The following THADA variants were observed in gnomAD, a reference collection of about 807,000 sequenced individuals.
THADA encodes THADA armadillo repeat containing.
Under a neutral mutation model 219.8 loss-of-function variants are expected in THADA, and 213 were observed. That is an observed-to-expected ratio of 0.97 (90% CI 0.87 to 1.09). The LOEUF is 1.09. Ranked by LOEUF, THADA falls within the 50% of genes least tolerant of loss-of-function variation. The pLI is 0.00. For missense variants in THADA, 2,956 were observed against 2,311.3 expected (o/e 1.28, Z -5.72); for synonymous variants, 1,018 against 828.9 (o/e 1.23, Z -3.92).
chr2:43,387,642 C>T (rs1277798847), intron 29 of THADA, among the ~76,000 whole-genome samples: 1 of 152,080 alleles, frequency 6.6e-6, no homozygotes, highest in Admixed American at 6.5e-5. Flanking sequence ...CAACTAGGGG[C>T]AATTTTGCCC....
Position 43,413,798 on chromosome 2 carries a change from T to A in THADA, c.4058+14302A>T, listed in dbSNP as rs1430170780. Among the ~76,000 whole-genome samples, 4 of 152,214 alleles carry A rather than the reference T, an allele frequency of 2.6e-5. No individual in the cohort carries two copies. The East Asian group carries it at 5.8e-4, about 22-fold the overall frequency. On this transcript the variant is annotated intron_variant, in intron 28 of 37. Transcript: ENST00000405975. ...GTATTCGGTACTCACAGTCCCACAG[T>A]TCTTAAATGGATACATAATGCTTTA...
intron 19 of THADA, among the ~76,000 whole-genome samples, chr2:43,549,803 T>C (rs1696538168): frequency 6.6e-6 from 1 of 151,908 alleles, no homozygotes; most frequent in Admixed American, 6.6e-5. Context: ...TGATTTAAAA[T>C]ATAAATAAAT....
chr2:43,512,572 G>A (rs983950306), intron 22 of THADA, among the ~76,000 whole-genome samples: 1 of 152,206 alleles, frequency 6.6e-6, no homozygotes, highest in Non-Finnish European at 1.5e-5. Context: ...GCGCGATCTT[G>A]CCTCACTGCA....
chr2:43,528,901 A>C (rs1424947884), intron 21 of THADA, among the ~76,000 whole-genome samples: 1 of 152,130 alleles, frequency 6.6e-6, no homozygotes, highest in Non-Finnish European at 1.5e-5. Context: ...TACAACCATC[A>C]CCATCATGCA....
chr2:43,445,171 T>C lies in THADA; in HGVS notation c.3837-14869A>G, dbSNP rs150006764. 5.3e-4 allele frequency among the ~76,000 whole-genome samples: 80 copies of C among 151,370 alleles called. 2 individuals are homozygous for C. The East Asian group carries it at 0.013, about 24-fold the overall frequency. On this transcript the variant is annotated intron_variant, in intron 26 of 37. Transcript: ENST00000405975. Reference sequence around the variant, plus strand: ...ATTGCTGATAAAAACAGCAACCTCATCTTAAGAAAAATAATCCCCCCATCC... The same window carrying C: ...ATTGCTGATAAAAACAGCAACCTCACCTTAAGAAAAATAATCCCCCCATCC...
chr2:43,440,472 C>T (rs1680711853), intron 26 of THADA, among the ~76,000 whole-genome samples: 1 of 152,140 alleles, frequency 6.6e-6, no homozygotes, highest in Non-Finnish European at 1.5e-5. Flanking sequence ...AAAATCATTC[C>T]ACTACAGGCC....
At chr2:43,441,609 A>G (rs1317638599) in intron 26 of THADA, among the ~76,000 whole-genome samples, 1 of 152,196 alleles carries the variant, frequency 6.6e-6, no homozygotes, top group Non-Finnish European at 1.5e-5. Flanking sequence ...GGCTGATATC[A>G]ACACCAGCCT....
chr2:43,242,828 A>T (rs905931742), intron 36 of THADA, among the ~76,000 whole-genome samples: 4 of 152,136 alleles, frequency 2.6e-5, no homozygotes, highest in African/African-American at 7.2e-5. Flanking sequence ...AGCTGCTCAT[A>T]AGTACTGAAT....
In THADA at chr2:43,425,594, C is replaced by G. The variant is rs138827824; in HGVS notation, c.4058+2506G>C. On this transcript the variant is annotated intron_variant, in intron 28 of 37. Coordinates refer to ENST00000405975, the MANE Select transcript of THADA (RefSeq NM_022065.5). Reference sequence around the variant, plus strand: ...GAAGACCATTTGGAAGTCGGACTCTCAGGCCTCACCTCAGATTTACTGAAA... The same window carrying G: ...GAAGACCATTTGGAAGTCGGACTCTGAGGCCTCACCTCAGATTTACTGAAA... Among the ~76,000 whole-genome samples, 31 of 152,252 alleles carry G rather than the reference C, an allele frequency of 2.0e-4. No homozygotes were observed. The East Asian group carries it at 5.8e-3, about 28-fold the overall frequency.
At chr2:43,467,194 A>G (rs1007573158) in intron 26 of THADA, among the ~76,000 whole-genome samples, 2 of 149,910 alleles carry the variant, frequency 1.3e-5, no homozygotes, top group African/African-American at 2.4e-5. Context: ...AAAAAAAAAA[A>G]AAAAAAAAAA....
At chr2:43,348,479 C>G (rs1667891918) in intron 29 of THADA, among the ~76,000 whole-genome samples, 1 of 152,150 alleles carries the variant, frequency 6.6e-6, no homozygotes, top group African/African-American at 2.4e-5. Flanking sequence ...AAAGAATGGG[C>G]AGAGAGCCCC....
intron 27 of THADA, among the ~76,000 whole-genome samples, chr2:43,429,571 G>A (rs1315736030): frequency 6.6e-6 from 1 of 151,914 alleles, no homozygotes; most frequent in Non-Finnish European, 1.5e-5. Context: ...TTTCACAATG[G>A]TAAGTTGCAA....
At chr2:43,347,513 G>A (rs1667763521) in intron 29 of THADA, among the ~76,000 whole-genome samples, 1 of 152,102 alleles carries the variant, frequency 6.6e-6, no homozygotes, top group Non-Finnish European at 1.5e-5. Flanking sequence ...TTAAAATATT[G>A]GTAATGCCAA....
At chr2:43,468,751 A>G (rs1351028751) in intron 26 of THADA, among the ~76,000 whole-genome samples, 2 of 152,212 alleles carry the variant, frequency 1.3e-5, no homozygotes, top group African/African-American at 4.8e-5. Flanking sequence ...GAGATGGCAT[A>G]CAGAATCTGG....
chr2:43,364,980 G>A (rs919208194), intron 29 of THADA, among the ~76,000 whole-genome samples: 10 of 148,560 alleles, frequency 6.7e-5, no homozygotes, highest in East Asian at 2.0e-4. Flanking sequence ...TTTTTGAGAC[G>A]GAGTTTCGCT....
At chr2:43,375,760 C>T (rs1418914273) in intron 29 of THADA, among the ~76,000 whole-genome samples, 2 of 152,192 alleles carry the variant, frequency 1.3e-5, no homozygotes, top group Non-Finnish European at 1.5e-5. Flanking sequence ...ACCTCCTGAA[C>T]TTCTATTTTT....
At chr2:43,462,014 C>A (rs1322962131) in intron 26 of THADA, among the ~76,000 whole-genome samples, 3 of 152,166 alleles carry the variant, frequency 2.0e-5, no homozygotes, top group Non-Finnish European at 4.4e-5. Flanking sequence ...TCTACCTTAA[C>A]ATTTACCAAA....
chr2:43,271,140 A>T (rs1472725432), intron 36 of THADA, among the ~76,000 whole-genome samples: 1 of 152,138 alleles, frequency 6.6e-6, no homozygotes, highest in Non-Finnish European at 1.5e-5. Context: ...CCTGCTGGGC[A>T]CTTCCCAGGG....
chr2:43,541,577 T>C (rs1309775685), intron 20 of THADA, among the ~76,000 whole-genome samples: 1 of 152,054 alleles, frequency 6.6e-6, no homozygotes, highest in Non-Finnish European at 1.5e-5. Context: ...AGCATGCTCA[T>C]GGCTCACTGC....
Sources: allele counts gnomAD v4.1 joint callset (sites outside exome capture counted in the v4.1 genomes callset), GRCh38; gene constraint gnomAD v4.1.1; transcripts MANE v1.5; gene names NCBI Gene and HGNC (gene_info 2026-07-23, HGNC 2026-07-21).